Variants in NPAS3 observed in about 807,000 individuals in gnomAD.
NPAS3 encodes the protein neuronal PAS domain protein 3.
Under a neutral mutation model 73.1 loss-of-function variants are expected in NPAS3, and 14 were observed. That is an observed-to-expected ratio of 0.19 (90% CI 0.13 to 0.30). The LOEUF is 0.30. Ranked by LOEUF, NPAS3 falls within the 10% of genes least tolerant of loss-of-function variation. NPAS3 has a pLI of 1.00. For synonymous variants in NPAS3, 620 were observed against 541.5 expected (o/e 1.14, Z -2.01); for missense variants, 1,096 against 1,250.0 (o/e 0.88, Z 1.86).
At position 33,587,408 on chromosome 14, in the gene NPAS3, C is replaced by T. The variant is rs2056902277; in HGVS notation, c.558+27198C>T. On this transcript the variant is annotated intron_variant, in intron 5 of 11. Coordinates refer to ENST00000356141, the Ensembl canonical transcript of NPAS3. ...AGATGCTGGAACCAACTGTCTAGTG[C>T]AAGCCCTAGTTCTCACATGTAATAA... 2.0e-5 allele frequency among the ~76,000 whole-genome samples: 3 copies of T among 152,182 alleles called. No homozygotes were observed. The South Asian group carries it at 6.2e-4, about 32-fold the overall frequency.
At chr14:33,236,211 T>C (rs1344859723) in intron 3 of NPAS3, among the ~76,000 whole-genome samples, 2 of 152,052 alleles carry the variant, frequency 1.3e-5, no homozygotes, top group African/African-American at 4.8e-5. Flanking sequence ...ATGCTTGTGC[T>C]TGTCCAGAAG....
chr14:33,156,177 A>C (rs2044640364), intron 2 of NPAS3, among the ~76,000 whole-genome samples: 2 of 152,226 alleles, frequency 1.3e-5, no homozygotes, highest in South Asian at 2.1e-4. Flanking sequence ...ATAGTAAGTA[A>C]TATAGTCTCA....
chr14:32,969,390 A>G (rs2783757), intron 1 of NPAS3, among the ~76,000 whole-genome samples: 147,397 of 152,220 alleles, frequency 0.97, 71,553 homozygotes, highest in East Asian at 1. Flanking sequence ...GGATTATTGC[A>G]AACTGTCCTA....
intron 4 of NPAS3, among the ~76,000 whole-genome samples, chr14:33,471,877 C>T (rs1260797078): frequency 1.3e-5 from 2 of 152,212 alleles, no homozygotes; most frequent in Non-Finnish European, 2.9e-5. Flanking sequence ...CTCCCTATCA[C>T]TCGCATTACT....
At chr14:33,128,100 A>G (rs1295561799) in intron 2 of NPAS3, among the ~76,000 whole-genome samples, 1 of 152,156 alleles carries the variant, frequency 6.6e-6, no homozygotes, top group East Asian at 1.9e-4. Flanking sequence ...TCAGCCATAA[A>G]AATTCTGGAG....
intron 3 of NPAS3, among the ~76,000 whole-genome samples, chr14:33,352,632 T>C (rs1235455664): frequency 6.6e-6 from 1 of 152,228 alleles, no homozygotes; most frequent in African/African-American, 2.4e-5. Flanking sequence ...GTGCTTTTCA[T>C]ACTAAACTAC....
At chr14:33,185,380 A>T (rs1488761994) in intron 2 of NPAS3, among the ~76,000 whole-genome samples, 1 of 152,176 alleles carries the variant, frequency 6.6e-6, no homozygotes, top group African/African-American at 2.4e-5. Flanking sequence ...TAATGTTCAG[A>T]TAATGAAAAA....
At chr14:33,268,259 T>C (rs1216585367) in intron 3 of NPAS3, among the ~76,000 whole-genome samples, 1 of 152,170 alleles carries the variant, frequency 6.6e-6, no homozygotes, top group African/African-American at 2.4e-5. Context: ...TACTGGCTGC[T>C]TTCTCTCTTA....
intron 8 of NPAS3, among the ~76,000 whole-genome samples, chr14:33,776,127 G>T (rs1256272995): frequency 6.6e-6 from 1 of 152,098 alleles, no homozygotes; most frequent in East Asian, 1.9e-4. Context: ...AACCTCTGAG[G>T]GGGACTTTTC....
intron 4 of NPAS3, among the ~76,000 whole-genome samples, chr14:33,443,289 A>G (rs891561246): frequency 3.3e-5 from 5 of 152,198 alleles, no homozygotes; most frequent in African/African-American, 1.2e-4. Flanking sequence ...GGAAAAAAAA[A>G]AAAGTTAATT....
At chr14:33,663,375 T>C (rs1400706867) in intron 5 of NPAS3, among the ~76,000 whole-genome samples, 5 of 152,220 alleles carry the variant, frequency 3.3e-5, no homozygotes, top group Admixed American at 2.6e-4. Context: ...TGTTTATTGA[T>C]TTGCGTATGT....
chr14:33,398,993 T>A (rs2047338009), intron 4 of NPAS3, among the ~76,000 whole-genome samples: 1 of 152,102 alleles, frequency 6.6e-6, no homozygotes, highest in Non-Finnish European at 1.5e-5. Context: ...TAGCTCCCAA[T>A]GGTTAGACCA....
chr14:33,362,779 C>T (rs979755290), intron 3 of NPAS3, among the ~76,000 whole-genome samples: 2 of 152,266 alleles, frequency 1.3e-5, no homozygotes, highest in African/African-American at 2.4e-5. Flanking sequence ...CTGCCCTCCA[C>T]CTTATGGGGG....
At chr14:33,316,022 C>T (rs2043195180) in intron 3 of NPAS3, among the ~76,000 whole-genome samples, 1 of 152,014 alleles carries the variant, frequency 6.6e-6, no homozygotes, top group Admixed American at 6.6e-5. Flanking sequence ...AAAATTGTAA[C>T]TTCCTTTTGC....
chr14:33,440,859 A>C (rs543525520), intron 4 of NPAS3, among the ~76,000 whole-genome samples: 1 of 151,702 alleles, frequency 6.6e-6, no homozygotes, highest in Non-Finnish European at 1.5e-5. Flanking sequence ...GCGCCACTGC[A>C]CTCCAACCTA....
intron 9 of NPAS3, among the ~76,000 whole-genome samples, chr14:33,779,566 A>T (rs2062918907): frequency 6.6e-6 from 1 of 152,158 alleles, no homozygotes; most frequent in Admixed American, 6.5e-5. Flanking sequence ...GTCCCATGAG[A>T]TTGTAATACT....
intron 4 of NPAS3, among the ~76,000 whole-genome samples, chr14:33,515,285 G>T (rs1478281506): frequency 1.3e-5 from 2 of 152,070 alleles, no homozygotes; most frequent in African/African-American, 4.8e-5. Flanking sequence ...CATGGAATAA[G>T]AATGAGTAAG....
rs1232866435 is a variant in NPAS3 at position 33,301,306 on chromosome 14, T to TTATATA, written c.386-65868_386-65863dup. ...TCTAAACCCCACCTAGGTTTTATCATTATATATATATATATATTTTTTTTT... is the reference window on the plus strand; with the variant it reads ...TCTAAACCCCACCTAGGTTTTATCATTATATATATATATATATATATATTTTTTTTT... On this transcript the variant is annotated intron_variant, in intron 3 of 11. Coordinates refer to ENST00000356141, the Ensembl canonical transcript of NPAS3. Among the ~76,000 whole-genome samples, 5 of 81,146 alleles carry TTATATA rather than the reference T, an allele frequency of 6.2e-5. 2 individuals are homozygous for TTATATA. Among genetic ancestry groups the TTATATA allele is most frequent in the Non-Finnish European group, 1.2e-4 (5 of 42,890 alleles). The allele number at this position is 81,146 out of a possible 152,430, so 53.2% of individuals were successfully genotyped here.
At chr14:33,391,604 T>G (rs1014695969) in intron 4 of NPAS3, among the ~76,000 whole-genome samples, 4 of 151,994 alleles carry the variant, frequency 2.6e-5, no homozygotes, top group Non-Finnish European at 4.4e-5. Flanking sequence ...GAAAGAGAGG[T>G]AGAGAGGGAG....
Sources: allele counts gnomAD v4.1 joint callset (sites outside exome capture counted in the v4.1 genomes callset), GRCh38; gene constraint gnomAD v4.1.1; transcripts MANE v1.5; gene names NCBI Gene and HGNC (gene_info 2026-07-23, HGNC 2026-07-21).